COL22A1: variants seen among roughly 807,000 people sequenced by gnomAD.
The protein encoded by COL22A1 is collagen type XXII alpha 1 chain, also known as collagen alpha-1(XXII) chain.
Under a neutral mutation model 248.9 loss-of-function variants are expected in COL22A1, and 221 were observed. The observed-to-expected ratio is 0.89, with a 90% confidence interval of 0.80 to 0.99. The LOEUF is 0.99. Ranked by LOEUF, COL22A1 falls within the 50% of genes least tolerant of loss-of-function variation. COL22A1 has a pLI of 0.00. For synonymous variants in COL22A1, 891 were observed against 793.4 expected (o/e 1.12, Z -2.07); for missense variants, 2,240 against 2,179.0 (o/e 1.03, Z -0.56).
At chr8:138,774,286 C>G (rs532218427) in intron 16 of COL22A1, among the ~76,000 whole-genome samples, 2 of 152,006 alleles carry the variant, frequency 1.3e-5, no homozygotes, top group East Asian at 3.8e-4. Flanking sequence ...GCAACGTGAG[C>G]GAGCCACAGA....
chr8:138,752,466 C>T (rs1251540386), intron 21 of COL22A1, among the ~76,000 whole-genome samples: 1 of 152,204 alleles, frequency 6.6e-6, no homozygotes, highest in Non-Finnish European at 1.5e-5. Flanking sequence ...ATGAATAAAT[C>T]AATGGACAAA....
At chr8:138,701,022 G>A (rs907752279) in intron 31 of COL22A1, among the ~76,000 whole-genome samples, 1 of 149,308 alleles carries the variant, frequency 6.7e-6, no homozygotes, top group Non-Finnish European at 1.5e-5. Context: ...GGCTTCTCAG[G>A]TGTCATGCTT....
intron 30 of COL22A1, among the ~76,000 whole-genome samples, chr8:138,709,495 G>A (rs1459686162): frequency 6.6e-6 from 1 of 152,062 alleles, no homozygotes; most frequent in Non-Finnish European, 1.5e-5. Flanking sequence ...TAGGGACATG[G>A]ATGAAGCTGG....
chr8:138,600,417 C>T (rs911918794), intron 60 of COL22A1, among the ~76,000 whole-genome samples: 6 of 146,974 alleles, frequency 4.1e-5, no homozygotes, highest in South Asian at 2.1e-4. Flanking sequence ...CTCTAACATA[C>T]GCACTTAAAT....
rs1172932309 is a variant in COL22A1, at chr8:138,844,095, T to C, written c.722A>G (p.Lys241Arg). Reference protein sequence around the residue: ...DRFKHTNGGTKEITGFDLMDL... With the variant: ...DRFKHTNGGTREITGFDLMDL... ...TGTTTTTCCCTTACCTGTGATTTCCTTGGTTCCTCCATTGGTGTGCTTAAA... is the reference window on the plus strand; with the variant it reads ...TGTTTTTCCCTTACCTGTGATTTCCCTGGTTCCTCCATTGGTGTGCTTAAA... The change falls in exon 4 of 65, where the codon AAG becomes AGG. Residue 241 changes from lysine to arginine, a missense_variant. Lys to Arg is a conservative substitution (Grantham distance 26). Coordinates refer to ENST00000303045, the MANE Select transcript of COL22A1 (RefSeq NM_152888.3). 5 of 1,614,046 alleles carry C rather than the reference T, an allele frequency of 3.1e-6. No homozygotes were observed. Among genetic ancestry groups the C allele is most frequent in the Non-Finnish European group, 4.2e-6 (5 of 1,179,890 alleles).
chr8:138,648,583 G>C (rs1457263626), intron 46 of COL22A1, among the ~76,000 whole-genome samples: 2 of 151,084 alleles, frequency 1.3e-5, no homozygotes, highest in Non-Finnish European at 3.0e-5. Context: ...GGCAAAGAAG[G>C]CTTTTTTTTT....
rs546559504 is a variant in COL22A1, at chr8:138,839,800, T to A, written c.733+4284A>T. On this transcript the variant is annotated intron_variant, in intron 4 of 64. Coordinates refer to ENST00000303045, the MANE Select transcript of COL22A1 (RefSeq NM_152888.3). ...ACATGCCTAACATATGCTTTAAGCA[T>A]TAAGTAGCTAAACTTCTAGAAAAGT... Among the ~76,000 whole-genome samples the A allele has an allele frequency of 1.4e-4, 21 of 152,346 alleles. No homozygotes were observed. The South Asian group carries it at 4.3e-3, about 32-fold the overall frequency.
chr8:138,833,168 C>T lies in COL22A1; in HGVS notation c.734-18G>A. On this transcript the variant is annotated intron_variant, in intron 4 of 64. Coordinates refer to ENST00000303045, the MANE Select transcript of COL22A1 (RefSeq NM_152888.3). ...GTCAAAACCTGTACAAAGAGAAGAGCTGGGAGTGAGTTTGGAGAAGGAAGA... is the reference window on the plus strand; with the variant it reads ...GTCAAAACCTGTACAAAGAGAAGAGTTGGGAGTGAGTTTGGAGAAGGAAGA... 6.4e-7 allele frequency: 1 copy of T among 1,551,772 alleles called. No homozygotes were observed. Among genetic ancestry groups the T allele is most frequent in the Non-Finnish European group, 8.9e-7 (1 of 1,123,078 alleles).
chr8:138,727,683 T>G (rs1313373434), intron 23 of COL22A1, among the ~76,000 whole-genome samples: 2 of 152,002 alleles, frequency 1.3e-5, no homozygotes, highest in East Asian at 3.9e-4. Flanking sequence ...TGAACAGGAT[T>G]TGGGGGCACC....
intron 24 of COL22A1, 102 bp downstream of exon 24, chr8:138,725,285 G>T: frequency 1.6e-6 from 2 of 1,213,260 alleles, no homozygotes; most frequent in Non-Finnish European, 1.2e-6. Flanking sequence ...CTGGACTTGG[G>T]TGGATAAAAG....
At chr8:138,850,070 C>A (rs774276842) in intron 3 of COL22A1, among the ~76,000 whole-genome samples, 2 of 152,166 alleles carry the variant, frequency 1.3e-5, no homozygotes, top group Admixed American at 6.5e-5. Flanking sequence ...CATCTCAGGG[C>A]CATGGTGTGC....
chr8:138,695,703 G>A (rs1827451992), intron 32 of COL22A1, among the ~76,000 whole-genome samples: 1 of 152,132 alleles, frequency 6.6e-6, no homozygotes, highest in African/African-American at 2.4e-5. Flanking sequence ...GATGGGGCAG[G>A]CTCACTTCCA....
At chr8:138,661,005 C>T (rs1161730433) in intron 43 of COL22A1, among the ~76,000 whole-genome samples, 1 of 131,436 alleles carries the variant, frequency 7.6e-6, no homozygotes, top group African/African-American at 2.7e-5. Context: ...TACACATACA[C>T]AGACACACAC....
chr8:138,881,210 G>A (rs1188381361), intron 2 of COL22A1, among the ~76,000 whole-genome samples: 1 of 151,132 alleles, frequency 6.6e-6, no homozygotes, highest in Non-Finnish European at 1.5e-5. Flanking sequence ...TTGGCTAGAT[G>A]GGCACAGAAA....
At chr8:138,706,467 T>C (rs571458257) in intron 30 of COL22A1, among the ~76,000 whole-genome samples, 2,244 of 152,172 alleles carry the variant, frequency 0.015, 49 homozygotes, top group African/African-American at 0.051. Context: ...CAAACTAGAA[T>C]GCAGGATTAA....
chr8:138,848,210 C>T (rs1000806185), intron 3 of COL22A1, among the ~76,000 whole-genome samples: 16 of 152,190 alleles, frequency 1.1e-4, no homozygotes, highest in Admixed American at 9.8e-4. Context: ...AAAACGAAAA[C>T]ATCTAATGAC....
At chr8:138,664,207 GCGCACACA>G (rs1322492037) in intron 41 of COL22A1, among the ~76,000 whole-genome samples, 1,404 of 87,464 alleles carry the variant, frequency 0.016, 23 homozygotes, top group African/African-American at 0.043. Context: ...GCGCGCGCGC[GCGCACACA>G]CACACACACA....
chr8:138,654,945 GA>G (rs1264378627), intron 45 of COL22A1, among the ~76,000 whole-genome samples: 1 of 152,166 alleles, frequency 6.6e-6, no homozygotes, highest in African/African-American at 2.4e-5. Context: ...TCACCTCACT[GA>G]ACCTGCGCTC....
rs1340664234 is a variant in COL22A1 at position 138,635,018 on chromosome 8, C to T, written c.3601G>A (p.Gly1201Arg). 3.1e-6 allele frequency: 5 copies of T among 1,605,476 alleles called. No individual in the cohort carries two copies. The highest frequency in any genetic ancestry group is 3.4e-6 in the Non-Finnish European group (4 of 1,173,150). The stretch of plus-strand genomic sequence containing the variant: ...TAAAGATGATTACTTACTGGTGGCC[C>T]AGGGTTCCCTGGGGGCCCCATGAAA... Reference protein sequence around the residue: ...PGFMGPPGNPGPPGADGIAGA... With the variant: ...PGFMGPPGNPRPPGADGIAGA... Residue 1201 changes from glycine to arginine, a missense_variant, in exon 49 of 65, where the codon GGG becomes AGG. By Grantham distance (125) the Gly-to-Arg change is moderately radical (BLOSUM62 -2). Transcript: ENST00000303045.
Sources: gnomAD v4.1 joint callset for allele counts (sites outside exome capture counted in the v4.1 genomes callset) on GRCh38, gnomAD v4.1.1 for gene constraint, MANE v1.5 for transcripts, NCBI Gene and HGNC (gene_info 2026-07-23, HGNC 2026-07-21) for gene names.